PALLD: variants seen among roughly 807,000 people sequenced by gnomAD.
PALLD encodes palladin.
PALLD carries 61 observed loss-of-function variants against 123.5 expected under a neutral mutation model. The ratio of observed to expected loss-of-function variants is 0.49; its 90% confidence interval spans 0.40 to 0.61. The LOEUF is 0.61. Among genes scored for constraint, PALLD ranks in the 20% least tolerant of loss-of-function variants. The probability of loss-of-function intolerance (pLI) is 0.00; values close to 1 mark genes in which losing one functional copy is unlikely to be tolerated. For synonymous variants in PALLD, 465 were observed against 496.4 expected (o/e 0.94, Z 0.84); for missense variants, 1,273 against 1,377.0 (o/e 0.92, Z 1.20).
At chr4:168,594,967 G>A (rs976357264) in intron 2 of PALLD, among the ~76,000 whole-genome samples, 20 of 152,116 alleles carry the variant, frequency 1.3e-4, no homozygotes, top group African/African-American at 4.6e-4. Context: ...TCTTCTTACA[G>A]AGTAATCTAT....
chr4:168,511,016 T>C (rs891714476), intron 1 of PALLD, among the ~76,000 whole-genome samples: 39 of 152,152 alleles, frequency 2.6e-4, no homozygotes, highest in Admixed American at 2.4e-3. Context: ...TAAATGAAAA[T>C]TGGAATCCTT....
chr4:168,699,497 A>G (rs1324305079), intron 8 of PALLD, among the ~76,000 whole-genome samples: 1 of 151,962 alleles, frequency 6.6e-6, no homozygotes, highest in Non-Finnish European at 1.5e-5. Context: ...TGTGAAAGGT[A>G]AAAGCTGGAT....
chr4:168,720,156 C>T (rs569641553), intron 10 of PALLD, among the ~76,000 whole-genome samples: 3 of 152,196 alleles, frequency 2.0e-5, no homozygotes, highest in African/African-American at 7.2e-5. Context: ...GTTATCTCTA[C>T]GATGATTTTG....
intron 8 of PALLD, among the ~76,000 whole-genome samples, chr4:168,697,552 C>G (rs1338419770): frequency 6.6e-6 from 1 of 152,142 alleles, no homozygotes; most frequent in Non-Finnish European, 1.5e-5. Context: ...TAAGCCTGAC[C>G]CAGAAATCTC....
At chr4:168,793,146 TGTGTGC>T (rs1411464915) in intron 10 of PALLD, among the ~76,000 whole-genome samples, 42 of 100,156 alleles carry the variant, frequency 4.2e-4, no homozygotes, top group Non-Finnish European at 7.4e-4. Context: ...TACATATATA[TGTGTGC>T]ATATATATAC....
intron 10 of PALLD, among the ~76,000 whole-genome samples, chr4:168,749,280 C>T (rs1314247938): frequency 6.6e-6 from 1 of 152,094 alleles, no homozygotes; most frequent in Non-Finnish European, 1.5e-5. Context: ...CCTGCAGAAA[C>T]ATGAGATGAA....
intron 2 of PALLD, among the ~76,000 whole-genome samples, chr4:168,516,230 TTAC>T (rs1173573391): frequency 1.9e-4 from 29 of 152,326 alleles, no homozygotes; most frequent in Admixed American, 1.7e-3. Flanking sequence ...ACAATTTGAA[TTAC>T]TACATTAAAT....
At chr4:168,771,193 T>A (rs556692031) in intron 10 of PALLD, among the ~76,000 whole-genome samples, 1 of 152,288 alleles carries the variant, frequency 6.6e-6, no homozygotes, top group East Asian at 1.9e-4. Context: ...GATTATCATA[T>A]CCCTTTGGCA....
intron 1 of PALLD, among the ~76,000 whole-genome samples, chr4:168,503,248 G>GTAACATGC (rs1360102453): frequency 6.6e-6 from 1 of 152,200 alleles, no homozygotes; most frequent in Non-Finnish European, 1.5e-5. Context: ...GCAATGCAAA[G>GTAACATGC]TAACATGCTT....
chr4:168,683,506 G>A (rs1210914340), intron 5 of PALLD, among the ~76,000 whole-genome samples: 1 of 152,012 alleles, frequency 6.6e-6, no homozygotes, highest in Non-Finnish European at 1.5e-5. Flanking sequence ...ACTCCTAAAA[G>A]CTAAACAAAT....
chr4:168,561,256 CT>C (rs1198190078), intron 2 of PALLD, among the ~76,000 whole-genome samples: 5 of 151,336 alleles, frequency 3.3e-5, no homozygotes, highest in Admixed American at 6.6e-5. Flanking sequence ...GACCAATTTT[CT>C]TTTTTTTTCT....
intron 2 of PALLD, among the ~76,000 whole-genome samples, chr4:168,609,797 G>A (rs1008722417): frequency 6.6e-6 from 1 of 152,208 alleles, no homozygotes; most frequent in Non-Finnish European, 1.5e-5. Flanking sequence ...ATTCTGGGAA[G>A]TTCTCTGTTA....
intron 19 of PALLD, 33 bp from the exon 20 acceptor site, chr4:168,924,912 T>G (rs1762279749): frequency 1.2e-6 from 2 of 1,613,556 alleles, no homozygotes; most frequent in South Asian, 2.2e-5. Flanking sequence ...TTTAAAAAAT[T>G]TAGAACCCTA....
chr4:168,882,963 A>G (rs145482127), intron 10 of PALLD, among the ~76,000 whole-genome samples: 2,640 of 152,094 alleles, frequency 0.017, 62 homozygotes, highest in African/African-American at 0.044. Flanking sequence ...GGTGGTGTGC[A>G]CCTGTAGTCC....
intron 2 of PALLD, among the ~76,000 whole-genome samples, chr4:168,597,449 A>G (rs902480091): frequency 1.3e-5 from 2 of 152,070 alleles, no homozygotes; most frequent in African/African-American, 2.4e-5. Context: ...ATAAATTTTT[A>G]AAACATGACA....
chr4:168,701,222 G>A (rs1783641849), intron 8 of PALLD, among the ~76,000 whole-genome samples: 1 of 152,254 alleles, frequency 6.6e-6, no homozygotes, highest in Non-Finnish European at 1.5e-5. Context: ...GGAGGAGCCA[G>A]GGCTTAGAAA....
chr4:168,688,296 T>G (rs1782280663), intron 6 of PALLD, among the ~76,000 whole-genome samples: 1 of 152,236 alleles, frequency 6.6e-6, no homozygotes, highest in Admixed American at 6.5e-5. Context: ...TGTTTTCTCA[T>G]GCTACTCTGG....
intron 10 of PALLD, among the ~76,000 whole-genome samples, chr4:168,730,700 A>C (rs1453821974): frequency 6.6e-6 from 1 of 152,142 alleles, no homozygotes; most frequent in African/African-American, 2.4e-5. Context: ...CTAGAAAGAC[A>C]GATATTCAGC....
chr4:168,657,965 A>T (rs185397230), intron 2 of PALLD, among the ~76,000 whole-genome samples: 165 of 152,292 alleles, frequency 1.1e-3, no homozygotes, highest in East Asian at 3.5e-3. Context: ...TGTCTCAAAA[A>T]AAGAGAGAGA....
Sources: allele counts gnomAD v4.1 joint callset (sites outside exome capture counted in the v4.1 genomes callset), GRCh38; gene constraint gnomAD v4.1.1; transcripts MANE v1.5; gene names NCBI Gene and HGNC (gene_info 2026-07-23, HGNC 2026-07-21).